IL1RAPL1: variants seen among roughly 807,000 people sequenced by gnomAD.
IL1RAPL1 encodes interleukin-1 receptor accessory protein-like 1.
IL1RAPL1 carries 3 observed loss-of-function variants against 48.4 expected under a neutral mutation model. The ratio of observed to expected loss-of-function variants is 0.06; its 90% CI spans 0.03 to 0.16. The LOEUF (loss-of-function observed/expected upper bound fraction) is 0.16. IL1RAPL1 is among the 10% of genes least tolerant of loss of function. IL1RAPL1 has a pLI of 1.00. For missense variants in IL1RAPL1, 349 were observed against 530.6 expected, an observed-to-expected ratio of 0.66 and a Z score of 3.36; for synonymous variants, 185 against 187.7, an observed-to-expected ratio of 0.99 and a Z score of 0.12.
chrX:29,589,255 T>C (rs1281350731), intron 5 of IL1RAPL1, among the ~76,000 whole-genome samples: 1 of 111,780 alleles, frequency 8.9e-6, no homozygotes, highest in Non-Finnish European at 1.9e-5. Context: ...GGCTTATCAT[T>C]TTTCCCTCAT....
intron 2 of IL1RAPL1, among the ~76,000 whole-genome samples, chrX:28,990,538 G>T (rs1925579246): frequency 1.8e-5 from 2 of 111,760 alleles, no homozygotes; most frequent in African/African-American, 6.5e-5. Context: ...TTCCTACTTA[G>T]TTTTTTCCTG....
chrX:28,760,372 G>A (rs1936154920), intron 1 of IL1RAPL1, among the ~76,000 whole-genome samples: 1 of 111,483 alleles, frequency 9.0e-6, no homozygotes, highest in African/African-American at 3.3e-5. Context: ...AAATGAATAG[G>A]AAACAGGGGT....
chrX:29,262,277 T>C (rs957955575), intron 2 of IL1RAPL1, among the ~76,000 whole-genome samples: 9 of 112,514 alleles, frequency 8.0e-5, no homozygotes, highest in African/African-American at 2.9e-4. Context: ...AATGAGTTTA[T>C]TTTGTGATAT....
intron 6 of IL1RAPL1, among the ~76,000 whole-genome samples, chrX:29,759,997 C>A (rs2147144909): frequency 8.9e-6 from 1 of 111,879 alleles, no homozygotes; most frequent in Admixed American, 9.5e-5. Flanking sequence ...GCATAAATTT[C>A]TAAGATTTAC....
chrX:29,771,179 A>G (rs1929056609), intron 6 of IL1RAPL1, among the ~76,000 whole-genome samples: 1 of 112,197 alleles, frequency 8.9e-6, no homozygotes, highest in South Asian at 3.7e-4. Flanking sequence ...CCAGAAAAAT[A>G]TGTCCCCCTT....
At chrX:28,641,829 G>A (rs935151314) in intron 1 of IL1RAPL1, among the ~76,000 whole-genome samples, 3 of 111,335 alleles carry the variant, frequency 2.7e-5, no homozygotes, top group Non-Finnish European at 5.7e-5. Context: ...GTGATGATGA[G>A]TGTTTTTTTT....
intron 6 of IL1RAPL1, among the ~76,000 whole-genome samples, chrX:29,730,149 T>C: frequency 8.9e-6 from 1 of 112,029 alleles, no homozygotes; most frequent in East Asian, 2.8e-4. Flanking sequence ...CCTATCCCCA[T>C]TGGGCCAAAC....
chrX:29,705,906 A>AT (rs1182428920), intron 6 of IL1RAPL1, among the ~76,000 whole-genome samples: 1 of 112,428 alleles, frequency 8.9e-6, no homozygotes, highest in African/African-American at 3.2e-5. Flanking sequence ...GTATTAGTCC[A>AT]TTTTCATGCT....
intron 5 of IL1RAPL1, among the ~76,000 whole-genome samples, chrX:29,646,576 GAT>G (rs1480008025): frequency 2.7e-5 from 3 of 111,014 alleles, no homozygotes; most frequent in Non-Finnish European, 5.7e-5. Context: ...TCTGCAGAAA[GAT>G]ATAAATATCC....
intron 6 of IL1RAPL1, among the ~76,000 whole-genome samples, chrX:29,904,901 C>T (rs928593686): frequency 3.6e-5 from 4 of 111,727 alleles, no homozygotes; most frequent in Middle Eastern, 4.6e-3. Flanking sequence ...AATGGGATTG[C>T]TGGGTCAAGC....
intron 3 of IL1RAPL1, among the ~76,000 whole-genome samples, chrX:29,344,847 A>G (rs960916127): frequency 2.3e-4 from 26 of 111,995 alleles, no homozygotes; most frequent in Non-Finnish European, 4.3e-4. Context: ...CATATCGGCC[A>G]GGATGGTCTC....
rs760599044 is a variant in IL1RAPL1, at chrX:28,727,879, A to G, written c.-24-61441A>G. Among the ~76,000 whole-genome samples, 1,061 of 107,144 alleles carry G rather than the reference A, an allele frequency of 9.9e-3. 14 individuals are homozygous for G. Among genetic ancestry groups the G allele is most frequent in the African/African-American group, 0.034 (1,009 of 29,291 alleles). 93.0% of individuals were successfully genotyped at this position (107,144 alleles called of 115,157 possible). A position where few individuals can be genotyped will look rare whatever the true frequency, so the allele number is the denominator to read the frequency against. ...GGTGGGAATTGAACAATGAGATCAC[A>G]TGGACACAGGAAGGGGAACATCACA... On this transcript the variant is annotated intron_variant, in intron 1 of 10. Transcript: ENST00000378993.
At chrX:28,933,770 A>G (rs1178886535) in intron 2 of IL1RAPL1, among the ~76,000 whole-genome samples, 2 of 111,367 alleles carry the variant, frequency 1.8e-5, no homozygotes, top group African/African-American at 6.5e-5. Context: ...TCTTGATTAT[A>G]TGCTAAATAA....
In IL1RAPL1 at chrX:28,615,112, C is replaced by T. The variant is rs896097788; in HGVS notation, c.-25+27065C>T. Among the ~76,000 whole-genome samples the T allele has an allele frequency of 3.1e-4, 33 of 107,505 alleles. 1 individual carries two copies. The highest frequency in any genetic ancestry group is 8.5e-4 in the South Asian group (2 of 2,366). The allele number at this position is 107,505 out of a possible 115,157, so 93.4% of individuals were successfully genotyped here. ...ACTGTGTTAGCCAGGATGGTCTCGA[C>T]CTCCTGACCTCGTGATCTGCCCGCC... On this transcript the variant is annotated intron_variant, in intron 1 of 10. Coordinates refer to ENST00000378993, the MANE Select transcript of IL1RAPL1 (RefSeq NM_014271.4).
rs1199610065 is a variant in IL1RAPL1, at chrX:28,797,395, C to T, written c.82+7970C>T. 2.7e-5 allele frequency among the ~76,000 whole-genome samples: 3 copies of T among 111,649 alleles called. No individual in the cohort carries two copies. The Admixed American group carries it at 2.9e-4, about 11-fold the overall frequency. On this transcript the variant is annotated intron_variant, in intron 2 of 10. Coordinates refer to ENST00000378993, the MANE Select transcript of IL1RAPL1 (RefSeq NM_014271.4). ...TTCCAAACTTTTATGCTCTGCTTCC[C>T]TCATAAAACTGAATGCCTTTAACAG... is the stretch of plus-strand genomic sequence containing the variant.
At chrX:28,757,034 A>G (rs1253637455) in intron 1 of IL1RAPL1, among the ~76,000 whole-genome samples, 1 of 112,653 alleles carries the variant, frequency 8.9e-6, no homozygotes, top group Non-Finnish European at 1.9e-5. Flanking sequence ...TGCCTGGATT[A>G]TGGTAAATCT....
chrX:29,845,666 A>G (rs1931232224), intron 6 of IL1RAPL1, among the ~76,000 whole-genome samples: 1 of 110,895 alleles, frequency 9.0e-6, no homozygotes, highest in Non-Finnish European at 1.9e-5. Context: ...CTCCACCCCC[A>G]ACACGCAACT....
intron 2 of IL1RAPL1, among the ~76,000 whole-genome samples, chrX:29,157,409 A>G (rs1929590848): frequency 1.8e-5 from 2 of 111,968 alleles, no homozygotes; most frequent in African/African-American, 6.5e-5. Context: ...TAATAAGGGA[A>G]AAAACTTAAA....
At chrX:29,783,350 A>G (rs150035765) in intron 6 of IL1RAPL1, among the ~76,000 whole-genome samples, 1 of 111,561 alleles carries the variant, frequency 9.0e-6, no homozygotes, top group African/African-American at 3.3e-5. Context: ...TCCTGATTAG[A>G]GGAGGGAACA....
Sources: gnomAD v4.1 joint callset for allele counts (sites outside exome capture counted in the v4.1 genomes callset) on GRCh38, gnomAD v4.1.1 for gene constraint, MANE v1.5 for transcripts, NCBI Gene and HGNC (gene_info 2026-07-23, HGNC 2026-07-21) for gene names.